The following PARP4 variants were observed in gnomAD, a reference collection of about 807,000 sequenced individuals.
The protein encoded by PARP4 is poly(ADP-ribose) polymerase family member 4.
A neutral mutation model predicts 187.7 loss-of-function variants in PARP4; 120 were observed. The observed-to-expected ratio is 0.64, with a 90% CI of 0.55 to 0.74. PARP4 has a LOEUF of 0.74. Among genes scored for constraint, PARP4 ranks in the 30% least tolerant of loss-of-function variants. PARP4 has a pLI of 0.00. For missense variants in PARP4, 1,836 were observed against 2,070.5 expected (o/e 0.89, Z 2.20); for synonymous variants, 654 against 740.9 (o/e 0.88, Z 1.90).
At chr13:24,429,127 T>C (rs1338552963) in intron 32 of PARP4, among the ~76,000 whole-genome samples, 2 of 152,248 alleles carry the variant, frequency 1.3e-5, no homozygotes, top group Non-Finnish European at 2.9e-5. Context: ...TCAATGACCT[T>C]TTCATTGCAG....
Position 24,452,462 on chromosome 13 carries a change from T to C in PARP4, c.2958A>G (p.Thr986=), listed in dbSNP as rs1278208027. The part of the protein sequence containing the change: ...SDGHLQDESL[T]LQLVKRSRPH... ...GGCGGCTCCTCTTCACGAGCTGTAA[T>C]GTCAGGCTCTCATCCTGGAGGTGCC... Residue 986 remains threonine, a synonymous_variant, in exon 24 of 34, where the codon ACA becomes ACG. Transcript: ENST00000381989. The C allele has an allele frequency of 4.3e-6, 7 of 1,614,004 alleles. No homozygotes were observed. The highest frequency in any genetic ancestry group is 2.7e-5 in the African/African-American group (2 of 74,936).
chr13:24,487,833 C>T (rs561263940), intron 10 of PARP4, among the ~76,000 whole-genome samples: 2 of 152,244 alleles, frequency 1.3e-5, no homozygotes, highest in Admixed American at 6.5e-5. Flanking sequence ...TGAGCAGCAT[C>T]GGGGTGATTC....
At chr13:24,486,401 C>T in intron 10 of PARP4, 96 bp from the exon 11 acceptor site, 1 of 787,836 alleles carries the variant, frequency 1.3e-6, no homozygotes, top group Non-Finnish European at 2.1e-6. Flanking sequence ...TCCAAATGTC[C>T]ATTATCAGGA....
rs761765805 is a variant in PARP4, at chr13:24,501,107, G to A, written c.334+526C>T. 3.0e-4 allele frequency among the ~76,000 whole-genome samples: 46 copies of A among 152,306 alleles called. 1 individual carries two copies. The highest frequency in any genetic ancestry group is 1.2e-3 in the South Asian group (6 of 4,832). ...GTCAGTACGGTATCTAACACATACC[G>A]TGTGCTTACTGTGAGTTAGTATTTA... On this transcript the variant is annotated intron_variant, in intron 3 of 33. Coordinates refer to ENST00000381989, the MANE Select transcript of PARP4 (RefSeq NM_006437.4).
At chr13:24,503,576 C>G in intron 2 of PARP4, 69 bp downstream of exon 2, 1 of 1,559,626 alleles carries the variant, frequency 6.4e-7, no homozygotes, top group South Asian at 1.1e-5. Flanking sequence ...GCTTCCTCTT[C>G]TAACCATGAC....
chr13:24,505,932 T>A (rs1423531059), intron 1 of PARP4, among the ~76,000 whole-genome samples: 1 of 152,228 alleles, frequency 6.6e-6, no homozygotes, highest in Non-Finnish European at 1.5e-5. Context: ...CTAAGCTGAG[T>A]TGCTGAAAGC....
At chr13:24,453,072 T>A (rs1212276843) in intron 23 of PARP4, among the ~76,000 whole-genome samples, 2 of 152,084 alleles carry the variant, frequency 1.3e-5, no homozygotes, top group African/African-American at 2.4e-5. Context: ...GTGGCTGGGA[T>A]TACAGGTGTC....
At chr13:24,438,446 G>T (rs575119227) in intron 30 of PARP4, among the ~76,000 whole-genome samples, 1 of 152,288 alleles carries the variant, frequency 6.6e-6, no homozygotes, top group South Asian at 2.1e-4. Context: ...CTGATTTAAG[G>T]AACAGCGTGG....
chr13:24,475,465 A>C lies in PARP4; in HGVS notation c.1914+7T>G, dbSNP rs750255643. ...GTTTAAGTGTCATAAAGCCACAGAC[A>C]ACATACCTGGGCTACAGTGTCTATG... On this transcript the variant is annotated splice_region_variant and intron_variant, in intron 15 of 33. Transcript: ENST00000381989. 11 of 1,612,958 alleles carry C rather than the reference A, an allele frequency of 6.8e-6. No homozygotes were observed. In the East Asian group the frequency reaches 2.2e-4, roughly 33 times the overall value.
chr13:24,422,525 T>C (rs895652435), intron 33 of PARP4, among the ~76,000 whole-genome samples: 1 of 152,218 alleles, frequency 6.6e-6, no homozygotes, highest in African/African-American at 2.4e-5. Flanking sequence ...CCCCATATAA[T>C]GTGCTCTTGC....
chr13:24,483,712 T>C (rs1251981096), intron 12 of PARP4, among the ~76,000 whole-genome samples: 1 of 151,862 alleles, frequency 6.6e-6, no homozygotes, highest in Non-Finnish European at 1.5e-5. Context: ...CTGCAATCTC[T>C]GCCTCCTAGG....
chr13:24,421,396 G>A, intron 33 of PARP4, 82 bp from the exon 34 acceptor site: 2 of 574,500 alleles, frequency 3.5e-6, no homozygotes, highest in Non-Finnish European at 6.3e-6. Flanking sequence ...CATTATATCA[G>A]ACAAAATGAT....
At chr13:24,481,989 G>C (rs1286520911) in intron 12 of PARP4, among the ~76,000 whole-genome samples, 2 of 152,244 alleles carry the variant, frequency 1.3e-5, no homozygotes, top group Non-Finnish European at 2.9e-5. Flanking sequence ...TTGCCCTTAA[G>C]AGCATTTGAT....
chr13:24,490,949 CTTTA>C (rs138416297), intron 9 of PARP4, 121 bp from the exon 10 acceptor site: 87,560 of 905,322 alleles, frequency 0.097, 5,212 homozygotes, highest in African/African-American at 0.12. Flanking sequence ...GCTTGTTTTA[CTTTA>C]TTTATTTTTG....
rs370566603 is a variant in PARP4 at position 24,453,182 on chromosome 13, C to T, written c.2826+405G>A. 2.6e-5 allele frequency among the ~76,000 whole-genome samples: 4 copies of T among 152,142 alleles called. No individual in the cohort carries two copies. In the South Asian group the frequency reaches 6.2e-4, roughly 24 times the overall value. On this transcript the variant is annotated intron_variant, in intron 23 of 33. Transcript: ENST00000381989. The stretch of plus-strand genomic sequence containing the variant: ...AATTCCTGACCTCAGGTGATCCACC[C>T]GCCCTGGCCTCCCAAAGTGCTGAGA...
chr13:24,455,054 A>G lies in PARP4; in HGVS notation c.2721T>C (p.Gly907=). Residue 907 remains glycine, a synonymous_variant, in exon 22 of 34, where the codon GGT becomes GGC. Coordinates refer to ENST00000381989, the MANE Select transcript of PARP4 (RefSeq NM_006437.4). ...GGATAATATTTACTTTCTGCTTCTC[A>G]CCCACCAAGGACAGCGCATGCAAGG... ...QIALHALSLV[G]EKQKVNIIQF... 1 of 1,610,472 alleles carries G rather than the reference A, an allele frequency of 6.2e-7. No individual in the cohort carries two copies. The highest frequency in any genetic ancestry group is 8.5e-7 in the Non-Finnish European group (1 of 1,177,182).
chr13:24,491,632 G>A (rs1868657430), intron 9 of PARP4, among the ~76,000 whole-genome samples: 2 of 152,126 alleles, frequency 1.3e-5, no homozygotes, highest in African/African-American at 4.8e-5. Flanking sequence ...CCAAATCCCT[G>A]CATGCACAGA....
intron 31 of PARP4, among the ~76,000 whole-genome samples, chr13:24,431,794 T>C (rs1870350311): frequency 1.3e-5 from 2 of 152,248 alleles, no homozygotes; most frequent in African/African-American, 4.8e-5. Flanking sequence ...CTTCATACAC[T>C]AGTGACATAG....
At chr13:24,470,950 C>T (rs1352031832) in intron 15 of PARP4, among the ~76,000 whole-genome samples, 1 of 152,128 alleles carries the variant, frequency 6.6e-6, no homozygotes, top group African/African-American at 2.4e-5. Context: ...CAAATGAACA[C>T]CTTGCTGGCC....
Sources: allele counts gnomAD v4.1 joint callset (sites outside exome capture counted in the v4.1 genomes callset), GRCh38; gene constraint gnomAD v4.1.1; transcripts MANE v1.5; gene names NCBI Gene and HGNC (gene_info 2026-07-23, HGNC 2026-07-21).